Variants in TRPM3 observed in about 807,000 individuals in gnomAD.
The protein encoded by TRPM3 is transient receptor potential cation channel subfamily M member 3, also known as long transient receptor potential channel 3.
In TRPM3, 77 loss-of-function variants were observed where a neutral mutation model predicts 181.2. The observed-to-expected ratio is 0.42, with a 90% CI of 0.35 to 0.51. The LOEUF is 0.51. Among genes scored for constraint, TRPM3 ranks in the 20% least tolerant of loss-of-function variants. TRPM3 has a pLI of 0.01. For synonymous variants in TRPM3, 745 were observed against 796.4 expected, an observed-to-expected ratio of 0.94 and a Z score of 1.09; for missense variants, 1,759 against 2,196.7, an observed-to-expected ratio of 0.80 and a Z score of 3.98.
intron 1 of TRPM3, among the ~76,000 whole-genome samples, chr9:71,248,306 A>G (rs900024179): frequency 2.0e-5 from 3 of 152,204 alleles, no homozygotes; most frequent in African/African-American, 7.2e-5. Context: ...CTGGCCAATG[A>G]GACCCGAGGG....
chr9:70,785,827 G>C (rs2083467945), intron 6 of TRPM3, among the ~76,000 whole-genome samples: 1 of 152,178 alleles, frequency 6.6e-6, no homozygotes, highest in South Asian at 2.1e-4. Flanking sequence ...TTACACAAAA[G>C]TGGGTGCTGT....
intron 1 of TRPM3, among the ~76,000 whole-genome samples, chr9:71,279,166 G>A (rs1048705453): frequency 6.6e-6 from 1 of 152,064 alleles, no homozygotes; most frequent in African/African-American, 2.4e-5. Context: ...TTTAACAGAT[G>A]GGCCTTTACT....
At chr9:70,801,699 T>C (rs542984439) in intron 6 of TRPM3, among the ~76,000 whole-genome samples, 2 of 152,128 alleles carry the variant, frequency 1.3e-5, no homozygotes, top group Admixed American at 6.5e-5. Flanking sequence ...TATCCTACTT[T>C]GTCTTGTCTG....
chr9:70,938,352 C>T (rs1057226964), intron 1 of TRPM3, among the ~76,000 whole-genome samples: 17 of 152,298 alleles, frequency 1.1e-4, no homozygotes, highest in African/African-American at 3.6e-4. Context: ...CTGTCACCAA[C>T]GCCACTGGAT....
intron 1 of TRPM3, among the ~76,000 whole-genome samples, chr9:71,253,260 T>C (rs907553178): frequency 3.9e-5 from 6 of 152,182 alleles, no homozygotes; most frequent in Non-Finnish European, 8.8e-5. Flanking sequence ...GTTGAAAAGT[T>C]CTACTGACTC....
intron 1 of TRPM3, among the ~76,000 whole-genome samples, chr9:71,254,440 G>A (rs2082548726): frequency 6.6e-6 from 1 of 152,164 alleles, no homozygotes; most frequent in East Asian, 1.9e-4. Context: ...TGACTTAGTC[G>A]GCAACAACGT....
At chr9:70,586,378 C>T (rs575207737) in intron 22 of TRPM3, among the ~76,000 whole-genome samples, 1 of 152,140 alleles carries the variant, frequency 6.6e-6, no homozygotes, top group Non-Finnish European at 1.5e-5. Flanking sequence ...ATCAAAACAG[C>T]GTCCGGAATC....
At chr9:71,007,462 G>C (rs1564957500) in intron 1 of TRPM3, among the ~76,000 whole-genome samples, 1 of 152,040 alleles carries the variant, frequency 6.6e-6, no homozygotes, top group Admixed American at 6.6e-5. Context: ...AAAACTGTAT[G>C]TAAGGTCAGA....
intron 1 of TRPM3, among the ~76,000 whole-genome samples, chr9:71,065,885 T>G (rs1040556218): frequency 1.3e-5 from 2 of 152,118 alleles, no homozygotes; most frequent in Admixed American, 6.6e-5. Context: ...GAGACTGATA[T>G]GCTAGAAAAA....
chr9:70,635,301 A>C (rs570702831), intron 11 of TRPM3, 40 bp from the exon 12 acceptor site: 2 of 1,597,300 alleles, frequency 1.3e-6, no homozygotes, highest in African/African-American at 2.7e-5. Flanking sequence ...TTTGCTAGTC[A>C]GGGGCTCTGG....
In TRPM3 at chr9:71,063,364, C is replaced by A. The variant is rs78734374; in HGVS notation, c.177+57814G>T. On this transcript the variant is annotated intron_variant, in intron 1 of 25. Coordinates refer to ENST00000677713, the MANE Select transcript of TRPM3 (RefSeq NM_001366145.2). ...ATTTATTGGGTACCTAATTCACACA[C>A]GGCACGTGCTGTGTGTTGAAAGTGA... Among the ~76,000 whole-genome samples the A allele has an allele frequency of 4.9e-3, 750 of 152,238 alleles. 18 individuals carry two copies. In the East Asian group the frequency reaches 0.078, roughly 16 times the overall value.
chr9:71,201,072 G>A (rs1382044800), intron 1 of TRPM3, among the ~76,000 whole-genome samples: 3 of 152,092 alleles, frequency 2.0e-5, no homozygotes, highest in African/African-American at 7.2e-5. Flanking sequence ...AGGCCTGGTG[G>A]TGACAAAATC....
intron 7 of TRPM3, among the ~76,000 whole-genome samples, chr9:70,779,077 TA>T (rs1437237336): frequency 2.0e-5 from 3 of 152,142 alleles, no homozygotes; most frequent in Non-Finnish European, 4.4e-5. Flanking sequence ...GCTAATCAAG[TA>T]ATGTAGGGAC....
Position 70,537,211 on chromosome 9 carries a change from C to A in TRPM3, c.3902G>T (p.Cys1301Phe). The A allele has an allele frequency of 1.3e-6, 2 of 1,596,036 alleles. No homozygotes were observed. Among genetic ancestry groups the A allele is most frequent in the Non-Finnish European group, 8.6e-7 (1 of 1,167,208 alleles). The change falls in exon 26 of 26, where the codon TGC becomes TTC. Residue 1301 changes from cysteine to phenylalanine, a missense_variant. Coordinates refer to ENST00000677713, the MANE Select transcript of TRPM3 (RefSeq NM_001366145.2). ...ACGGACAATGTAGGCGGCGTCCGTG[C>A]AGTCTGACGAGGTCCTCGAGCGGAT... ...NKIRSRTSSD[C>F]TDAAYIVRQS...
At chr9:70,831,697 C>T (rs2093907587) in intron 5 of TRPM3, among the ~76,000 whole-genome samples, 1 of 151,302 alleles carries the variant, frequency 6.6e-6, no homozygotes, top group African/African-American at 2.4e-5. Context: ...AAGGGCTTCA[C>T]ATCAGGTGAG....
At chr9:70,783,524 G>C (rs2082922209) in intron 7 of TRPM3, among the ~76,000 whole-genome samples, 1 of 152,130 alleles carries the variant, frequency 6.6e-6, no homozygotes, top group South Asian at 2.1e-4. Flanking sequence ...GTAGCATTAA[G>C]AGCCTAACAG....
chr9:70,588,360 T>C (rs2057508013), intron 22 of TRPM3, among the ~76,000 whole-genome samples: 1 of 151,962 alleles, frequency 6.6e-6, no homozygotes, highest in Non-Finnish European at 1.5e-5. Flanking sequence ...GTATGATTGA[T>C]GTTAAAAACC....
chr9:71,127,316 C>CACACACACACACACACACACACACACA (rs1565253257), intron 1 of TRPM3, among the ~76,000 whole-genome samples: 35 of 149,404 alleles, frequency 2.3e-4, no homozygotes, highest in South Asian at 1.9e-3. Flanking sequence ...CACACACACA[C>CACACACACACACACACACACACACACA]CCCTGAACTG....
At chr9:70,887,344 G>T (rs1027475016) in intron 1 of TRPM3, among the ~76,000 whole-genome samples, 5 of 152,138 alleles carry the variant, frequency 3.3e-5, no homozygotes, top group Non-Finnish European at 7.3e-5. Context: ...TATCTTCAGT[G>T]CTAATTGTTC....
Sources: gnomAD v4.1 joint callset for allele counts (sites outside exome capture counted in the v4.1 genomes callset) on GRCh38, gnomAD v4.1.1 for gene constraint, MANE v1.5 for transcripts, NCBI Gene and HGNC (gene_info 2026-07-23, HGNC 2026-07-21) for gene names.